TMPRSS5: variants seen among roughly 807,000 people sequenced by gnomAD.
TMPRSS5 encodes the protein transmembrane protease serine 5.
A neutral mutation model predicts 59.7 loss-of-function variants in TMPRSS5; 45 were observed. That is an observed-to-expected ratio of 0.75 (90% CI 0.59 to 0.97). TMPRSS5 has a LOEUF of 0.97. Ranked by LOEUF, TMPRSS5 falls within the 50% of genes least tolerant of loss-of-function variation. TMPRSS5 has a pLI of 0.00. For synonymous variants in TMPRSS5, 225 were observed against 232.0 expected (o/e 0.97, Z 0.27); for missense variants, 585 against 596.7 (o/e 0.98, Z 0.20).
At chr11:113,700,672 G>A (rs567596697) in intron 1 of TMPRSS5, among the ~76,000 whole-genome samples, 13 of 152,242 alleles carry the variant, frequency 8.5e-5, no homozygotes, top group African/African-American at 2.2e-4. Flanking sequence ...ATAAACCAAC[G>A]TGGACCACTC....
intron 8 of TMPRSS5, chr11:113,693,553 T>G (rs540175047): frequency 8.6e-6 from 2 of 231,970 alleles, no homozygotes; most frequent in Non-Finnish European, 1.7e-5. Context: ...AACAAACACA[T>G]AGAGGGCCTT....
At chr11:113,704,577 T>C (rs1373393919) in intron 1 of TMPRSS5, among the ~76,000 whole-genome samples, 1 of 152,094 alleles carries the variant, frequency 6.6e-6, no homozygotes, top group East Asian at 1.9e-4. Context: ...AAATTTGGGA[T>C]CACACTGACA....
intron 10 of TMPRSS5, 54 bp downstream of exon 10, chr11:113,690,787 G>T: frequency 6.7e-7 from 1 of 1,489,602 alleles, no homozygotes; most frequent in Non-Finnish European, 9.2e-7. Flanking sequence ...TCACCCTGGG[G>T]AAGAATGCCT....
Position 113,690,888 on chromosome 11 carries a change from C to A in TMPRSS5, c.1016G>T (p.Gly339Val). The change falls in exon 10 of 13, where the codon GGC (glycine) becomes GTC (valine). Residue 339 changes from glycine (G) to valine (V), a missense_variant. Physicochemically the swap from Gly to Val is moderately radical, Grantham distance 109 (BLOSUM62 -3). Transcript: ENST00000299882. ...LPAKEQHFPK[G>V]SRCWVSGWGH... is the part of the protein sequence containing the mutation. ...CCAGCCAGACACCCAGCACCGCGAGCCCTTCGGAAAATGCTGTTCCTTGGC... is the reference window on the plus strand; with the variant it reads ...CCAGCCAGACACCCAGCACCGCGAGACCTTCGGAAAATGCTGTTCCTTGGC... 3.1e-6 allele frequency: 5 copies of A among 1,598,088 alleles called. No homozygotes were observed. The highest frequency in any genetic ancestry group is 4.3e-6 in the Non-Finnish European group (5 of 1,172,950).
Position 113,690,742 on chromosome 11 carries a change from G to A in TMPRSS5, c.1063+99C>T. The A allele has an allele frequency of 8.0e-6, 9 of 1,128,276 alleles. 1 individual carries two copies. In the South Asian group the frequency reaches 1.1e-4, roughly 14 times the overall value. The allele number at this position is 1,128,276 out of a possible 1,614,324, so 69.9% of individuals were successfully genotyped here. ...GGTGATGCCAGGGAAAAACAGGGCT[G>A]GCACTGTCATGTGGCCAGGGGATGT... On this transcript the variant is annotated intron_variant, in intron 10 of 12. Transcript: ENST00000299882.
At chr11:113,705,930 A>C (rs1485028092) in intron 1 of TMPRSS5, among the ~76,000 whole-genome samples, 1 of 152,064 alleles carries the variant, frequency 6.6e-6, no homozygotes. Context: ...AAATTACAGG[A>C]CTCCTTGCTC....
intron 1 of TMPRSS5, among the ~76,000 whole-genome samples, chr11:113,704,702 T>C (rs138601779): frequency 6.6e-6 from 1 of 152,036 alleles, no homozygotes; most frequent in African/African-American, 2.4e-5. Flanking sequence ...AGCACAGACA[T>C]CACTTCTCCA....
chr11:113,696,301 T>G (rs1952926733), intron 6 of TMPRSS5, among the ~76,000 whole-genome samples: 1 of 152,158 alleles, frequency 6.6e-6, no homozygotes, highest in African/African-American at 2.4e-5. Context: ...CCTCTCCGCT[T>G]GTGCCCCAGT....
chr11:113,703,696 A>G (rs1953204885), intron 1 of TMPRSS5, among the ~76,000 whole-genome samples: 1 of 152,188 alleles, frequency 6.6e-6, no homozygotes, highest in South Asian at 2.1e-4. Flanking sequence ...CAGTTCCCCT[A>G]TGCTATTCTC....
intron 3 of TMPRSS5, among the ~76,000 whole-genome samples, chr11:113,699,347 G>T (rs540583810): frequency 6.8e-6 from 1 of 147,886 alleles, no homozygotes; most frequent in Non-Finnish European, 1.5e-5. Flanking sequence ...GTCTGTGTGT[G>T]TTCTCTCTGT....
At chr11:113,704,594 C>T (rs573477086) in intron 1 of TMPRSS5, among the ~76,000 whole-genome samples, 1 of 152,272 alleles carries the variant, frequency 6.6e-6, no homozygotes, top group East Asian at 1.9e-4. Flanking sequence ...GACATACGTG[C>T]CATACTTCAG....
intron 10 of TMPRSS5, 68 bp from the exon 11 acceptor site, chr11:113,690,441 G>C: frequency 6.5e-7 from 1 of 1,546,502 alleles, no homozygotes; most frequent in South Asian, 1.2e-5. Flanking sequence ...CAGCAAGAGG[G>C]GAGGTAATTC....
At position 113,689,897 on chromosome 11, in the gene TMPRSS5, T is replaced by A. The variant is rs776579156; in HGVS notation, c.1227A>T (p.Leu409=). 3 of 1,566,076 alleles carry A rather than the reference T, an allele frequency of 1.9e-6. No homozygotes were observed. The East Asian group carries it at 7.1e-5, about 37-fold the overall frequency. The change falls in exon 12 of 13, where the codon CTA becomes CTT. Residue 409 remains leucine (L), a synonymous_variant. Coordinates refer to ENST00000299882, the MANE Select transcript of TMPRSS5 (RefSeq NM_030770.4). ...DACQGDSGGP[L]VCPDGDTWRL... is the part of the protein sequence containing the mutation. ...GCCATGTGTCCCCATCTGGGCACAC[T>A]AGGGGGCCCCCGCTATCTCCCTAAG... is the stretch of plus-strand genomic sequence containing the variant.
chr11:113,701,308 GT>G (rs1375651633), intron 1 of TMPRSS5, among the ~76,000 whole-genome samples: 1 of 150,644 alleles, frequency 6.6e-6, no homozygotes, highest in Non-Finnish European at 1.5e-5. Flanking sequence ...TTGTTAAATG[GT>G]TTTGACCAAA....
At chr11:113,703,003 A>T (rs1412281142) in intron 1 of TMPRSS5, among the ~76,000 whole-genome samples, 2 of 152,224 alleles carry the variant, frequency 1.3e-5, no homozygotes, top group African/African-American at 4.8e-5. Context: ...TGGAGCCCCC[A>T]CACAGAGTTC....
chr11:113,698,782 A>C, intron 4 of TMPRSS5, 123 bp downstream of exon 4: 2 of 1,130,822 alleles, frequency 1.8e-6, no homozygotes, highest in Non-Finnish European at 2.6e-6. Flanking sequence ...CCCTCACACT[A>C]GAGGAGGGAA....
intron 11 of TMPRSS5, 32 bp from the exon 12 acceptor site, chr11:113,689,949 A>G (rs1952718698): frequency 6.6e-7 from 1 of 1,513,202 alleles, no homozygotes. Flanking sequence ...ACACAGAGAA[A>G]CAGCCAGTTA....
intron 10 of TMPRSS5, 132 bp from the exon 11 acceptor site, chr11:113,690,505 G>A (rs1205416680): frequency 3.7e-6 from 5 of 1,368,772 alleles, no homozygotes; most frequent in African/African-American, 1.5e-5. Flanking sequence ...GGGAGCTGTG[G>A]ACGCTGAGCA....
chr11:113,693,013 G>A (rs1022369212), intron 9 of TMPRSS5, 58 bp downstream of exon 9: 49 of 888,108 alleles, frequency 5.5e-5, no homozygotes, highest in Non-Finnish European at 6.9e-5. Context: ...CTCCCACCCA[G>A]CCCCCGCCCT....
Sources: gnomAD v4.1 joint callset for allele counts (sites outside exome capture counted in the v4.1 genomes callset) on GRCh38, gnomAD v4.1.1 for gene constraint, MANE v1.5 for transcripts, NCBI Gene and HGNC (gene_info 2026-07-23, HGNC 2026-07-21) for gene names.